Variants in PTPRA observed in about 807,000 individuals in gnomAD.
The protein encoded by PTPRA is receptor-type tyrosine-protein phosphatase alpha.
Under a neutral mutation model 104.8 loss-of-function variants are expected in PTPRA, and 25 were observed. The ratio of observed to expected loss-of-function variants is 0.24; its 90% CI spans 0.17 to 0.33. The LOEUF (loss-of-function observed/expected upper bound fraction) is 0.33, where lower values mean the gene tolerates loss of function less well. Among genes scored for constraint, PTPRA ranks in the 10% least tolerant of loss-of-function variants. PTPRA has a pLI of 1.00. For missense variants in PTPRA, 765 were observed against 1,015.3 expected, an observed-to-expected ratio of 0.75 and a Z score of 3.35; for synonymous variants, 323 against 368.9, an observed-to-expected ratio of 0.88 and a Z score of 1.43.
intron 16 of PTPRA, among the ~76,000 whole-genome samples, chr20:3,023,448 C>CA (rs1307121900): frequency 2.6e-5 from 4 of 152,298 alleles, no homozygotes; most frequent in African/African-American, 9.6e-5. Context: ...AAAACCCGAT[C>CA]GTACATTCTA....
At position 3,037,031 on chromosome 20, in the gene PTPRA, G is replaced by T. The variant is rs1422181280; in HGVS notation, c.2199-123G>T. 2.9e-6 allele frequency: 4 copies of T among 1,384,676 alleles called. No homozygotes were observed. The highest frequency in any genetic ancestry group is 2.3e-5 in the East Asian group (1 of 42,916). 85.8% of individuals were successfully genotyped at this position (1,384,676 alleles called of 1,614,324 possible). A position where few individuals can be genotyped will look rare whatever the true frequency, so the allele number is the denominator to read the frequency against. ...ACCCAGAACCCCTCCAGGCTGGTGGGTCCACAGGGCAAAGGCGAGCACCAG... is the reference window on the plus strand; with the variant it reads ...ACCCAGAACCCCTCCAGGCTGGTGGTTCCACAGGGCAAAGGCGAGCACCAG... On this transcript the variant is annotated intron_variant, in intron 22 of 23. Transcript: ENST00000399903. This position sits in a 1 kb window ranked among gnomAD's most constrained non-coding sequence, Gnocchi z 4.3.
At chr20:2,897,499 C>T (rs568589607) in intron 1 of PTPRA, among the ~76,000 whole-genome samples, 4 of 150,990 alleles carry the variant, frequency 2.6e-5, no homozygotes, top group African/African-American at 4.9e-5. Context: ...GTGATTCTGC[C>T]ACCTCACCCT....
chr20:2,998,787 A>C lies in PTPRA; in HGVS notation c.739-6269A>C, dbSNP rs140816127. Among the ~76,000 whole-genome samples the C allele has an allele frequency of 3.4e-3, 515 of 152,262 alleles. 5 individuals carry two copies. The highest frequency in any genetic ancestry group is 0.012 in the African/African-American group (494 of 41,542). On this transcript the variant is annotated intron_variant, in intron 9 of 23. Transcript: ENST00000399903. ...ATCTAGGCAAGAAAAGAAAGGTATA[A>C]GGATTGCAAAGGAAGGGACAAAATA...
In PTPRA at chr20:2,976,788, A is replaced by G. The variant is rs186437511; in HGVS notation, c.442+1547A>G. Among the ~76,000 whole-genome samples the G allele has an allele frequency of 1.5e-3, 236 of 152,322 alleles. 1 individual carries two copies. Among genetic ancestry groups the G allele is most frequent in the Middle Eastern group, 3.4e-3 (1 of 294 alleles). ...GCTGTTTGGAAATGCTTGTATTATA[A>G]TCGGTTTGATAAGCAGTTATGTCTT... On this transcript the variant is annotated intron_variant, in intron 6 of 23. Coordinates refer to ENST00000399903, the MANE Select transcript of PTPRA (RefSeq NM_001385305.1).
intron 20 of PTPRA, among the ~76,000 whole-genome samples, chr20:3,030,504 C>T (rs996880100): frequency 2.6e-5 from 4 of 152,068 alleles, no homozygotes; most frequent in Admixed American, 2.6e-4. Context: ...AAGTAATTAA[C>T]GCACTAAGCC....
intron 20 of PTPRA, among the ~76,000 whole-genome samples, chr20:3,032,658 C>T (rs752777132): frequency 1.2e-4 from 18 of 151,488 alleles, no homozygotes; most frequent in African/African-American, 4.1e-4. Context: ...CCCAGCTACT[C>T]GGGAGGCTGA....
At chr20:2,871,518 A>G (rs191815517), upstream of PTPRA, among the ~76,000 whole-genome samples, 24 of 152,370 alleles carry the variant, frequency 1.6e-4, no homozygotes, top group African/African-American at 2.6e-4. Flanking sequence ...AAAAGTAAAA[A>G]AAAACTAATC....
chr20:3,007,213 G>C lies in PTPRA; in HGVS notation c.830-131G>C, dbSNP rs2063916803. ...GCTGTTATACTGTTGGAGTTATATT[G>C]TTGGAGTGGCATCTTTATACAAGCG... On this transcript the variant is annotated intron_variant, in intron 10 of 23. Transcript: ENST00000399903. 8.8e-6 allele frequency: 7 copies of C among 794,906 alleles called. No homozygotes were observed. The South Asian group carries it at 1.3e-4, about 15-fold the overall frequency. The allele number at this position is 794,906 out of a possible 1,614,324, so 49.2% of individuals were successfully genotyped here. A position where few individuals can be genotyped will look rare whatever the true frequency, so the allele number is the denominator to read the frequency against.
intron 6 of PTPRA, among the ~76,000 whole-genome samples, chr20:2,975,624 T>C (rs553721308): frequency 6.6e-6 from 1 of 152,364 alleles, no homozygotes; most frequent in Non-Finnish European, 1.5e-5. Flanking sequence ...TCCCCTAGTG[T>C]ATAAAATGTC....
At chr20:2,957,474 C>A (rs1354597970) in intron 3 of PTPRA, among the ~76,000 whole-genome samples, 1 of 152,158 alleles carries the variant, frequency 6.6e-6, no homozygotes, top group Non-Finnish European at 1.5e-5. Flanking sequence ...GCCAGATTGC[C>A]ATGGAGAGAC....
intron 12 of PTPRA, among the ~76,000 whole-genome samples, 164 bp from the exon 13 acceptor site, chr20:3,017,652 G>A (rs1164723972): frequency 2.0e-5 from 3 of 152,150 alleles, no homozygotes; most frequent in Non-Finnish European, 4.4e-5. Flanking sequence ...GTAGAAACAT[G>A]GAAAATACTC....
At chr20:3,024,067 C>T (rs1472709371) in intron 16 of PTPRA, among the ~76,000 whole-genome samples, 1 of 152,198 alleles carries the variant, frequency 6.6e-6, no homozygotes, top group East Asian at 1.9e-4. Flanking sequence ...AGCTCGGCCA[C>T]ATCTGGGAGC....
intron 3 of PTPRA, among the ~76,000 whole-genome samples, chr20:2,952,947 C>G (rs1183846828): frequency 6.6e-6 from 1 of 152,128 alleles, no homozygotes; most frequent in African/African-American, 2.4e-5. Flanking sequence ...TTTATCCATT[C>G]ATCTGTTGAT....
At chr20:3,023,844 C>T (rs1026288376) in intron 16 of PTPRA, among the ~76,000 whole-genome samples, 2 of 152,250 alleles carry the variant, frequency 1.3e-5, no homozygotes, top group African/African-American at 2.4e-5. Context: ...CTCAGTCTCT[C>T]GTCCCACCTG....
chr20:2,947,362 A>G (rs954195987), intron 2 of PTPRA, among the ~76,000 whole-genome samples: 1 of 152,186 alleles, frequency 6.6e-6, no homozygotes, highest in Admixed American at 6.5e-5. Flanking sequence ...GATATTTGAG[A>G]AGGAAAAACT....
intron 5 of PTPRA, among the ~76,000 whole-genome samples, chr20:2,966,302 T>A (rs748070261): frequency 1.3e-5 from 2 of 152,370 alleles, no homozygotes; most frequent in South Asian, 2.1e-4. Flanking sequence ...TGGCTTACTT[T>A]ATCTCTCTAC....
chr20:2,964,835 A>G (rs760753680), intron 4 of PTPRA, 26 bp from the exon 5 acceptor site: 3 of 1,563,204 alleles, frequency 1.9e-6, no homozygotes, highest in Non-Finnish European at 2.6e-6. Context: ...TTCATGTGCT[A>G]TTTCCTTGTT....
rs571721921 is a variant in PTPRA, at chr20:3,008,785, C to T, written c.906+1365C>T. Among the ~76,000 whole-genome samples the T allele has an allele frequency of 2.0e-4, 30 of 148,202 alleles. No homozygotes were observed. In the South Asian group the frequency reaches 4.7e-3, roughly 23 times the overall value. On this transcript the variant is annotated intron_variant, in intron 11 of 23. Coordinates refer to ENST00000399903, the MANE Select transcript of PTPRA (RefSeq NM_001385305.1). ...CAACTTAGCCGGGCGTGGTGGCAGG[C>T]GCCTGTAATCCCAGCTACTTGGGAG...
chr20:2,983,415 G>T (rs2062769115), intron 6 of PTPRA, among the ~76,000 whole-genome samples: 1 of 152,082 alleles, frequency 6.6e-6, no homozygotes, highest in East Asian at 1.9e-4. Flanking sequence ...GAAACTGTTG[G>T]AGGGTTTTAC....
Sources: gnomAD v4.1 joint callset for allele counts (sites outside exome capture counted in the v4.1 genomes callset) on GRCh38, gnomAD v4.1.1 for gene constraint, Gnocchi (gnomAD v3.1) non-coding constraint, MANE v1.5 for transcripts, NCBI Gene and HGNC (gene_info 2026-07-23, HGNC 2026-07-21) for gene names.